The following SLC12A7 variants were observed in gnomAD, a reference collection of about 807,000 sequenced individuals.
The protein encoded by SLC12A7 is solute carrier family 12 member 7.
A neutral mutation model predicts 120.6 loss-of-function variants in SLC12A7; 100 were observed. That is an observed-to-expected ratio of 0.83 (90% CI 0.71 to 0.98). The LOEUF is 0.98. Among genes scored for constraint, SLC12A7 ranks in the 50% least tolerant of loss-of-function variants. The pLI is 0.00. For missense variants in SLC12A7, 1,373 were observed against 1,548.1 expected (o/e 0.89, Z 1.90); for synonymous variants, 760 against 678.0 (o/e 1.12, Z -1.88).
upstream of SLC12A7, chr5:1,112,089 A>T: frequency 7.8e-6 from 9 of 1,160,046 alleles, no homozygotes; most frequent in Non-Finnish European, 8.6e-6. Context: ...GGTCCGACCG[A>T]GCCGCCCCGC....
At chr5:1,090,795 G>T (rs1411961114) in intron 3 of SLC12A7, among the ~76,000 whole-genome samples, 1 of 152,256 alleles carries the variant, frequency 6.6e-6, no homozygotes, top group Non-Finnish European at 1.5e-5. Flanking sequence ...TCACGGAAGG[G>T]CATGGCCGGC....
At chr5:1,103,486 C>G (rs140515954) in intron 1 of SLC12A7, among the ~76,000 whole-genome samples, 27 of 152,318 alleles carry the variant, frequency 1.8e-4, no homozygotes, top group Admixed American at 4.6e-4. Flanking sequence ...CTTCCACGTG[C>G]ACACGCAAAC....
the SLC12A7 span, among the ~76,000 whole-genome samples, chr5:1,149,315 A>G: frequency 1.3e-5 from 2 of 152,182 alleles, no homozygotes; most frequent in Non-Finnish European, 2.9e-5. Context: ...GGCGGCTCAC[A>G]CCTGTAATCC....
chr5:1,093,466 G>C (rs988275808), intron 3 of SLC12A7, 67 bp downstream of exon 3: 1 of 1,323,162 alleles, frequency 7.6e-7, no homozygotes, highest in Admixed American at 2.1e-5. Flanking sequence ...CTGCCTTGCC[G>C]GCGTGATCTA....
the SLC12A7 span, among the ~76,000 whole-genome samples, chr5:1,141,612 T>C: frequency 6.6e-6 from 1 of 152,268 alleles, no homozygotes; most frequent in Non-Finnish European, 1.5e-5. Context: ...CAGCAGCCAC[T>C]AAGCTTGTGT....
the SLC12A7 span, among the ~76,000 whole-genome samples, chr5:1,141,273 A>G: frequency 0.24 from 36,159 of 152,152 alleles, 5,218 homozygotes; most frequent in South Asian, 0.37. Flanking sequence ...TTGAATTAGG[A>G]TGCACCCCTG....
the SLC12A7 span, among the ~76,000 whole-genome samples, chr5:1,140,085 C>T: frequency 1.3e-5 from 2 of 152,334 alleles, no homozygotes; most frequent in South Asian, 4.1e-4. Flanking sequence ...TGACCAGGCA[C>T]CACCGCCTTG....
At chr5:1,124,396 A>G in the SLC12A7 span, among the ~76,000 whole-genome samples, 15 of 152,386 alleles carry the variant, frequency 9.8e-5, no homozygotes, top group Non-Finnish European at 1.9e-4. Context: ...CAGAGGACAG[A>G]AGACCATGGG....
chr5:1,138,371 T>C, the SLC12A7 span, among the ~76,000 whole-genome samples: 4,435 of 152,282 alleles, frequency 0.029, 189 homozygotes, highest in African/African-American at 0.097. Context: ...TGCTGATTGC[T>C]CCATTTTTAC....
At chr5:1,094,682 G>A (rs1740907206) in intron 1 of SLC12A7, among the ~76,000 whole-genome samples, 1 of 152,210 alleles carries the variant, frequency 6.6e-6, no homozygotes, top group Admixed American at 6.5e-5. Context: ...CCAAATGTGG[G>A]CAAAATTCTC....
rs1735013875 is a variant in SLC12A7 at position 1,051,351 on chromosome 5, G to A, written c.*1009C>T. On this transcript the variant is annotated 3_prime_UTR_variant, in exon 24 of 24. Coordinates refer to ENST00000264930, the MANE Select transcript of SLC12A7 (RefSeq NM_006598.3). ...ACCGGGGTGGGGATGGCACGTGTGA[G>A]CCAGCTCAGAGGCTGAACTGTGTGC... is the stretch of plus-strand genomic sequence containing the variant. 7.3e-6 allele frequency: 1 copy of A among 136,256 alleles called. No individual in the cohort carries two copies. Among genetic ancestry groups the A allele is most frequent in the Non-Finnish European group, 1.6e-5 (1 of 63,658 alleles). The allele number at this position is 136,256 out of a possible 1,614,324, so 8.4% of individuals were successfully genotyped here.
At chr5:1,056,051 A>G (rs145548600) in intron 22 of SLC12A7, among the ~76,000 whole-genome samples, 1 of 151,952 alleles carries the variant, frequency 6.6e-6, no homozygotes, top group African/African-American at 2.4e-5. Flanking sequence ...CCCAGGGAGC[A>G]CCCTGGGGGT....
rs763413270 is a variant in SLC12A7 at position 1,079,428 on chromosome 5, T to C, written c.1366A>G (p.Ile456Val). 1.3e-5 allele frequency: 21 copies of C among 1,612,606 alleles called. No homozygotes were observed. Among genetic ancestry groups the C allele is most frequent in the Non-Finnish European group, 1.7e-5 (20 of 1,179,846 alleles). The change falls in exon 10 of 24, where the codon ATC becomes GTC. Residue 456 changes from isoleucine (I) to valine (V), a missense_variant. Ile to Val is a conservative substitution (Grantham distance 29). Transcript: ENST00000264930. ...AAAGACGTCGTCACTATGGCCAGGATGGTCCCCGTGGGGATGGACTTCTGT... is the reference window on the plus strand; with the variant it reads ...AAAGACGTCGTCACTATGGCCAGGACGGTCCCCGTGGGGATGGACTTCTGT... Reference protein sequence around the residue: ...DAQKSIPTGTILAIVTTSFIY... With the variant: ...DAQKSIPTGTVLAIVTTSFIY...
At chr5:1,144,430 G>A in the SLC12A7 span, among the ~76,000 whole-genome samples, 21 of 152,200 alleles carry the variant, frequency 1.4e-4, no homozygotes, top group Admixed American at 3.3e-4. Context: ...CTCCCAGGCC[G>A]CCGCCACTGC....
In SLC12A7 at chr5:1,086,893, G is replaced by T; in HGVS notation, c.675+10C>A. On this transcript the variant is annotated intron_variant, in intron 6 of 23. Coordinates refer to ENST00000264930, the MANE Select transcript of SLC12A7 (RefSeq NM_006598.3). ...GTGGGGTGGGAACCCTTCCAAAGCA[G>T]CACACTTACCAGAAAAATCTCGATG... 6.2e-7 allele frequency: 1 copy of T among 1,612,236 alleles called. No homozygotes were observed. The highest frequency in any genetic ancestry group is 2.2e-5 in the East Asian group (1 of 44,878).
chr5:1,141,051 G>A, the SLC12A7 span, among the ~76,000 whole-genome samples: 1 of 152,220 alleles, frequency 6.6e-6, no homozygotes, highest in Non-Finnish European at 1.5e-5. Flanking sequence ...CAGCCAGGCT[G>A]TGCACACCAC....
the SLC12A7 span, among the ~76,000 whole-genome samples, chr5:1,136,065 T>C: frequency 1.3e-5 from 2 of 152,068 alleles, no homozygotes; most frequent in Non-Finnish European, 2.9e-5. Flanking sequence ...GAGATTCCCA[T>C]GTTTAAGCAA....
chr5:1,108,676 C>A (rs779461458), intron 1 of SLC12A7, among the ~76,000 whole-genome samples: 2 of 152,240 alleles, frequency 1.3e-5, no homozygotes, highest in Non-Finnish European at 2.9e-5. Flanking sequence ...CAAAGGGGAC[C>A]CCAGATCAGC....
At position 1,064,073 on chromosome 5, in the gene SLC12A7, CA is replaced by C; in HGVS notation, c.2607+9del. On this transcript the variant is annotated intron_variant, in intron 19 of 23. Transcript: ENST00000264930. The stretch of plus-strand genomic sequence containing the variant: ...TGCTCCGGCTGGCGTGTCCCCGTCG[CA>C]CGCCCCACCTTGTGCTGGCGCAGCA... 1 of 1,603,026 alleles carries C rather than the reference CA, an allele frequency of 6.2e-7. No homozygotes were observed. The highest frequency in any genetic ancestry group is 8.5e-7 in the Non-Finnish European group (1 of 1,173,632).
Sources: allele counts gnomAD v4.1 joint callset (sites outside exome capture counted in the v4.1 genomes callset), GRCh38; gene constraint gnomAD v4.1.1; transcripts MANE v1.5; gene names NCBI Gene and HGNC (gene_info 2026-07-23, HGNC 2026-07-21).